The following CD96 variants were observed in gnomAD, a reference collection of about 807,000 sequenced individuals.
CD96 encodes CD96 molecule, also known as T-cell surface protein tactile.
Under a neutral mutation model 71.3 loss-of-function variants are expected in CD96, and 70 were observed. That is an observed-to-expected ratio of 0.98 (90% CI 0.81 to 1.20). The LOEUF is 1.20. Among genes scored for constraint, CD96 ranks in the 50% most tolerant of loss-of-function variants. The pLI, the probability that CD96 is intolerant of heterozygous loss-of-function variation, is 0.00. For synonymous variants in CD96, 248 were observed against 233.0 expected, an observed-to-expected ratio of 1.06 and a Z score of -0.59; for missense variants, 742 against 677.5, an observed-to-expected ratio of 1.10 and a Z score of -1.06.
At chr3:111,631,703 C>A (rs1000136899) in intron 10 of CD96, among the ~76,000 whole-genome samples, 26 of 151,846 alleles carry the variant, frequency 1.7e-4, no homozygotes, top group African/African-American at 6.0e-4. Flanking sequence ...AAGCTGGAGG[C>A]ATCATGCTAC....
chr3:111,645,202 T>G (rs539945084), intron 12 of CD96, among the ~76,000 whole-genome samples: 1 of 152,068 alleles, frequency 6.6e-6, no homozygotes, highest in Non-Finnish European at 1.5e-5. Context: ...TAAAAAGGAA[T>G]GAATTAACAC....
chr3:111,625,092 C>T (rs767138014), intron 10 of CD96, among the ~76,000 whole-genome samples: 20 of 152,316 alleles, frequency 1.3e-4, no homozygotes, highest in Non-Finnish European at 1.8e-4. Context: ...TGCCACAAAG[C>T]GTAATGTGTA....
At chr3:111,624,526 A>G in intron 10 of CD96, 122 bp downstream of exon 10, 1 of 723,206 alleles carries the variant, frequency 1.4e-6, no homozygotes, top group Non-Finnish European at 2.5e-6. Flanking sequence ...CAAAGCATCT[A>G]TCATGTTTAA....
At chr3:111,648,573 A>G (rs1198886030) in intron 13 of CD96, among the ~76,000 whole-genome samples, 1 of 152,210 alleles carries the variant, frequency 6.6e-6, no homozygotes, top group Non-Finnish European at 1.5e-5. Flanking sequence ...AGAATTACCT[A>G]TTAATACATA....
chr3:111,593,831 G>C, intron 5 of CD96: 1 of 1,614,068 alleles, frequency 6.2e-7, no homozygotes, highest in Non-Finnish European at 8.5e-7. Context: ...GTGGGGCCTT[G>C]GATCCTGGCG....
chr3:111,626,500 A>T (rs1393118558), intron 10 of CD96, among the ~76,000 whole-genome samples: 1 of 152,180 alleles, frequency 6.6e-6, no homozygotes, highest in Non-Finnish European at 1.5e-5. Flanking sequence ...TGGTGGTACC[A>T]TCACTTTCCA....
intron 2 of CD96, among the ~76,000 whole-genome samples, chr3:111,555,734 T>A (rs1209682810): frequency 6.6e-6 from 1 of 152,304 alleles, no homozygotes. Flanking sequence ...GGGTGTCTCT[T>A]TGTGTTTGTC....
chr3:111,606,724 C>A lies in CD96; in HGVS notation c.1112C>A (p.Pro371His). 1 of 1,596,272 alleles carries A rather than the reference C, an allele frequency of 6.3e-7. No homozygotes were observed. The highest frequency in any genetic ancestry group is 8.6e-7 in the Non-Finnish European group (1 of 1,163,726). The change falls in exon 8 of 14, where the codon CCT becomes CAT. Residue 371 changes from proline to histidine, a missense_variant. Transcript: ENST00000352690. Reference sequence around the variant, plus strand: ...GGTTCTGAAATTTCCTCAACAGACCCTCCACTGAGTGTTACAGAATCTACC... The same window carrying A: ...GGTTCTGAAATTTCCTCAACAGACCATCCACTGAGTGTTACAGAATCTACC... ...LLGSEISSTD[P>H]PLSVTESTLD...
intron 6 of CD96, among the ~76,000 whole-genome samples, chr3:111,599,382 TC>T (rs1937395659): frequency 6.6e-6 from 1 of 152,130 alleles, no homozygotes; most frequent in African/African-American, 2.4e-5. Flanking sequence ...TAAAAAAAAT[TC>T]ACCCACAACA....
intron 6 of CD96, among the ~76,000 whole-genome samples, chr3:111,598,799 G>A (rs1937367852): frequency 6.6e-6 from 1 of 152,098 alleles, no homozygotes; most frequent in African/African-American, 2.4e-5. Context: ...AATTCACAAA[G>A]CCATGATTTT....
intron 10 of CD96, among the ~76,000 whole-genome samples, chr3:111,632,016 C>G (rs181432377): frequency 5.9e-5 from 9 of 152,204 alleles, no homozygotes; most frequent in African/African-American, 2.2e-4. Context: ...ACTATAAAAA[C>G]CCTAGAAGAA....
chr3:111,594,292 G>C, intron 5 of CD96: 1 of 1,461,364 alleles, frequency 6.8e-7, no homozygotes, highest in African/African-American at 1.4e-5. Flanking sequence ...TTTGGGAAGG[G>C]CCTGTGGTAA....
At chr3:111,643,975 A>C (rs1939711534) in intron 12 of CD96, among the ~76,000 whole-genome samples, 1 of 152,160 alleles carries the variant, frequency 6.6e-6, no homozygotes, top group Non-Finnish European at 1.5e-5. Flanking sequence ...TTGCAGAATT[A>C]GAAAAAACAA....
intron 8 of CD96, among the ~76,000 whole-genome samples, chr3:111,611,391 A>G (rs1937926911): frequency 6.6e-6 from 1 of 152,244 alleles, no homozygotes; most frequent in East Asian, 1.9e-4. Flanking sequence ...AACCCAGAAG[A>G]CATGTCATTA....
chr3:111,653,841 T>C (rs1940165308), downstream of CD96, among the ~76,000 whole-genome samples: 2 of 151,954 alleles, frequency 1.3e-5, no homozygotes, highest in South Asian at 4.1e-4. Flanking sequence ...TGGTAGTATA[T>C]GCTAAAAATT....
Position 111,624,381 on chromosome 3 carries a change from C to A in CD96, c.1298C>A (p.Ser433Tyr). 6.2e-7 allele frequency: 1 copy of A among 1,610,176 alleles called. No individual in the cohort carries two copies. Among genetic ancestry groups the A allele is most frequent in the Non-Finnish European group, 8.5e-7 (1 of 1,176,426 alleles). Reference sequence around the variant, plus strand: ...CGAGGCTTCAACTATCCCTGGACCTCCAGTGGGACAGATACCAAAAAATGT... The same window carrying A: ...CGAGGCTTCAACTATCCCTGGACCTACAGTGGGACAGATACCAAAAAATGT... The part of the protein sequence containing the change: ...TTRGFNYPWT[S>Y]SGTDTKKSVS... Residue 433 changes from serine (S) to tyrosine (Y), a missense_variant, in exon 10 of 14, where the codon TCC becomes TAC. Ser to Tyr is a moderately radical substitution (Grantham distance 144). Transcript: ENST00000352690.
At chr3:111,625,559 G>C (rs919043349) in intron 10 of CD96, among the ~76,000 whole-genome samples, 2 of 151,972 alleles carry the variant, frequency 1.3e-5, no homozygotes, top group Non-Finnish European at 2.9e-5. Context: ...TCTAGAAATA[G>C]TGATTATTGA....
intron 3 of CD96, among the ~76,000 whole-genome samples, chr3:111,570,319 T>G (rs1935917819): frequency 6.7e-6 from 1 of 149,648 alleles, no homozygotes; most frequent in African/African-American, 2.5e-5. Context: ...TTTGGGGGAG[T>G]CGAGGCATTG....
Position 111,638,165 on chromosome 3 carries a change from AC to A in CD96, c.1475del (p.Thr492MetfsTer16). 1 of 1,568,132 alleles carries A rather than the reference AC, an allele frequency of 6.4e-7. No homozygotes were observed. Among genetic ancestry groups the A allele is most frequent in the Non-Finnish European group, 8.8e-7 (1 of 1,138,140 alleles). ...TACGAAAACTAATCACGTCCATATC[AC>A]TGGTAAGTCATTTATCCTATTTTGG... ...GSTKTNHVHI[T>X]GIVVNKPKDG... is the part of the protein sequence containing the mutation. On this transcript the variant is annotated frameshift_variant and splice_region_variant, in exon 12 of 14. Coordinates refer to ENST00000352690, the MANE Select transcript of CD96 (RefSeq NM_005816.5). LOFTEE classifies it high-confidence loss of function.
Sources: gnomAD v4.1 joint callset for allele counts (sites outside exome capture counted in the v4.1 genomes callset) on GRCh38, gnomAD v4.1.1 for gene constraint, MANE v1.5 for transcripts, NCBI Gene and HGNC (gene_info 2026-07-23, HGNC 2026-07-21) for gene names.